LARP1B: variants seen among roughly 807,000 people sequenced by gnomAD.
LARP1B encodes the protein La ribonucleoprotein 1B.
LARP1B carries 76 observed loss-of-function variants against 114.2 expected under a neutral mutation model. The ratio of observed to expected loss-of-function variants is 0.67; its 90% CI spans 0.55 to 0.81. The LOEUF is 0.81. LARP1B is among the 30% of genes least tolerant of loss of function. LARP1B has a pLI of 0.00. For missense variants in LARP1B, 1,014 were observed against 1,075.8 expected (o/e 0.94, Z 0.80); for synonymous variants, 345 against 348.0 (o/e 0.99, Z 0.10).
In LARP1B at chr4:128,210,607, A is replaced by G; in HGVS notation, c.*554A>G. The G allele has an allele frequency of 1.1e-6, 1 of 925,820 alleles. No individual in the cohort carries two copies. The highest frequency in any genetic ancestry group is 1.3e-6 in the Non-Finnish European group (1 of 775,652). The allele number at this position is 925,820 out of a possible 1,614,324, so 57.4% of individuals were successfully genotyped here. A position where few individuals can be genotyped will look rare whatever the true frequency, so the allele number is the denominator to read the frequency against. On this transcript the variant is annotated 3_prime_UTR_variant, in exon 20 of 20. Transcript: ENST00000326639. The stretch of plus-strand genomic sequence containing the variant: ...TATACCTTTAGTATCCCTTTGAGAC[A>G]TATAGTTTAAAGAAAACTTTTTTTA...
At chr4:128,169,574 C>G (rs1167857449) in intron 12 of LARP1B, among the ~76,000 whole-genome samples, 1 of 151,826 alleles carries the variant, frequency 6.6e-6, no homozygotes, top group Non-Finnish European at 1.5e-5. Flanking sequence ...AGTTTCTTTT[C>G]TGATATAAGC....
intron 7 of LARP1B, among the ~76,000 whole-genome samples, chr4:128,093,459 G>A (rs563370374): frequency 1.3e-5 from 2 of 151,958 alleles, no homozygotes; most frequent in South Asian, 2.1e-4. Flanking sequence ...AGCCGGGCGC[G>A]GTGGCGGGCG....
At chr4:128,185,623 C>G (rs1369381957) in intron 15 of LARP1B, among the ~76,000 whole-genome samples, 1 of 151,636 alleles carries the variant, frequency 6.6e-6, no homozygotes, top group Non-Finnish European at 1.5e-5. Flanking sequence ...ATATTTTCTC[C>G]TATTCTGTAG....
At chr4:128,154,104 T>A (rs2150351021) in intron 11 of LARP1B, among the ~76,000 whole-genome samples, 1 of 152,342 alleles carries the variant, frequency 6.6e-6, no homozygotes, top group South Asian at 2.1e-4. Flanking sequence ...CATTTCATTT[T>A]TTTTCCCTAG....
Position 128,107,315 on chromosome 4 carries a change from T to A in LARP1B, c.988+2T>A. 1 of 1,613,920 alleles carries A rather than the reference T, an allele frequency of 6.2e-7. No homozygotes were observed. On this transcript the variant is annotated splice_donor_variant, in intron 9 of 19. Transcript: ENST00000326639. LOFTEE classifies it high-confidence loss of function. ...GCCAAGCCTTTTGCTCACATACAGG[T>A]AACATCTTTTCTTCTAGAGCAAACG... is the stretch of plus-strand genomic sequence containing the variant.
chr4:128,098,148 A>G (rs1180103492), intron 7 of LARP1B, 38 bp from the exon 8 acceptor site: 4 of 1,499,328 alleles, frequency 2.7e-6, no homozygotes, highest in Non-Finnish European at 3.7e-6. Flanking sequence ...TTTATTTCCT[A>G]CTAAATAAAT....
chr4:128,109,442 A>G (rs1783231335), intron 9 of LARP1B, among the ~76,000 whole-genome samples: 1 of 151,830 alleles, frequency 6.6e-6, no homozygotes, highest in African/African-American at 2.4e-5. Flanking sequence ...TCCTATCTGG[A>G]GGTTGAATTT....
chr4:128,115,832 T>A (rs1785605289), intron 10 of LARP1B, among the ~76,000 whole-genome samples: 1 of 152,178 alleles, frequency 6.6e-6, no homozygotes. Context: ...TTTTTTTGTG[T>A]GTTTCTGGTA....
At chr4:128,127,930 G>A (rs1355529459) in intron 11 of LARP1B, among the ~76,000 whole-genome samples, 2 of 152,176 alleles carry the variant, frequency 1.3e-5, no homozygotes, top group Non-Finnish European at 2.9e-5. Context: ...TCATAAGGAT[G>A]AACATATAGA....
intron 10 of LARP1B, among the ~76,000 whole-genome samples, chr4:128,120,930 C>G (rs1463328862): frequency 1.3e-5 from 2 of 151,360 alleles, no homozygotes; most frequent in Non-Finnish European, 2.9e-5. Flanking sequence ...CCTGCCTCAG[C>G]CTCCCGAGTA....
chr4:128,137,853 G>A (rs1348105038), intron 11 of LARP1B, among the ~76,000 whole-genome samples: 2 of 150,806 alleles, frequency 1.3e-5, no homozygotes, highest in Admixed American at 6.6e-5. Context: ...GAGTTCAGTG[G>A]CATGGATCTC....
rs1341685109 is a variant in LARP1B at position 128,199,491 on chromosome 4, T to G, written c.2056T>G (p.Cys686Gly). ...EGAPLAGSYG[C>G]TPHSFPKFQH... ...CGCACCACTAGCAGGAAGTTATGGA[T>G]GTACTCCTCATTCATTCCCAAAGTT... Residue 686 changes from cysteine to glycine, a missense_variant, in exon 16 of 20, where the codon TGT (cysteine) becomes GGT (glycine). By Grantham distance (159) the Cys-to-Gly change is radical. Transcript: ENST00000326639. 3 of 1,604,796 alleles carry G rather than the reference T, an allele frequency of 1.9e-6. No homozygotes were observed.
At chr4:128,199,836 A>G (rs1470802557) in intron 16 of LARP1B, among the ~76,000 whole-genome samples, 1 of 152,232 alleles carries the variant, frequency 6.6e-6, no homozygotes, top group Non-Finnish European at 1.5e-5. Context: ...CAGTAATCTC[A>G]GCACTTTGGG....
At chr4:128,141,142 A>G (rs1310554516) in intron 11 of LARP1B, among the ~76,000 whole-genome samples, 1 of 152,002 alleles carries the variant, frequency 6.6e-6, no homozygotes, top group Admixed American at 6.6e-5. Flanking sequence ...GCGTCCAGCT[A>G]TTTGTCTTCC....
chr4:128,090,536 G>T (rs1775533276), intron 5 of LARP1B, among the ~76,000 whole-genome samples: 1 of 152,166 alleles, frequency 6.6e-6, no homozygotes, highest in South Asian at 2.1e-4. Flanking sequence ...ACTCTAGATA[G>T]AATTTCTATA....
intron 9 of LARP1B, chr4:128,107,524 T>C (rs11098950): frequency 0.64 from 882,153 of 1,386,604 alleles, 284,412 homozygotes; most frequent in Middle Eastern, 0.82. Context: ...AGCTGTCTTA[T>C]GTTTCTTGTT....
intron 9 of LARP1B, chr4:128,108,472 C>T: frequency 1.0e-6 from 1 of 985,664 alleles, no homozygotes; most frequent in Non-Finnish European, 1.2e-6. Flanking sequence ...TTCCTTTACT[C>T]TTCAAAATGT....
intron 15 of LARP1B, among the ~76,000 whole-genome samples, chr4:128,186,976 C>T (rs1750592114): frequency 1.3e-5 from 2 of 152,174 alleles, no homozygotes; most frequent in Non-Finnish European, 2.9e-5. Flanking sequence ...GCAGGTGGTG[C>T]ACAGAATGCA....
intron 11 of LARP1B, among the ~76,000 whole-genome samples, chr4:128,151,228 G>C (rs1283005744): frequency 6.6e-6 from 1 of 152,044 alleles, no homozygotes; most frequent in African/African-American, 2.4e-5. Flanking sequence ...CATTATGTCA[G>C]CTTATCCTAA....
Sources: allele counts gnomAD v4.1 joint callset (sites outside exome capture counted in the v4.1 genomes callset), GRCh38; gene constraint gnomAD v4.1.1; transcripts MANE v1.5; gene names NCBI Gene and HGNC (gene_info 2026-07-23, HGNC 2026-07-21).